The following JADE3 variants were observed in gnomAD, a reference collection of about 807,000 sequenced individuals.
The protein encoded by JADE3 is jade family PHD finger 3.
In JADE3, 2 loss-of-function variants were observed where a neutral mutation model predicts 50.1. That is an observed-to-expected ratio of 0.04 (90% CI 0.02 to 0.13). The LOEUF is 0.13. Ranked by LOEUF, JADE3 falls within the 10% of genes least tolerant of loss-of-function variation. The pLI is 1.00. For synonymous variants in JADE3, 218 were observed against 232.9 expected (o/e 0.94, Z 0.58); for missense variants, 475 against 634.4 (o/e 0.75, Z 2.70).
intron 1 of JADE3, among the ~76,000 whole-genome samples, 188 bp from the exon 2 acceptor site, chrX:46,984,696 C>G (rs975276312): frequency 8.9e-6 from 1 of 112,176 alleles, no homozygotes; most frequent in East Asian, 2.8e-4. Flanking sequence ...CTTTGACATG[C>G]TTTGTATTGA....
chrX:47,051,118 G>A (rs1381588540), intron 8 of JADE3, among the ~76,000 whole-genome samples: 1 of 110,486 alleles, frequency 9.1e-6, no homozygotes, highest in Admixed American at 9.7e-5. Flanking sequence ...GAAAGTGGAG[G>A]GGGAGGTGTA....
rs376862991 is a variant in JADE3 at position 47,016,548 on chromosome X, C to T, written c.285-8176C>T. Among the ~76,000 whole-genome samples the T allele has an allele frequency of 6.4e-4, 72 of 111,709 alleles. No homozygotes were observed. In the South Asian group the frequency reaches 0.023, roughly 36 times the overall value. On this transcript the variant is annotated intron_variant, in intron 4 of 10. Coordinates refer to ENST00000614628, the MANE Select transcript of JADE3 (RefSeq NM_014735.5). ...TCAGAAACTGACACAGTATTACTTG[C>T]ACTATATTTTATTAGAGCAGTTGCA...
At chrX:46,968,066 G>T (rs782086059) in intron 1 of JADE3, among the ~76,000 whole-genome samples, 1 of 111,818 alleles carries the variant, frequency 8.9e-6, no homozygotes, top group Admixed American at 9.5e-5. Context: ...CCCCAGGCTT[G>T]TAAGTTTTAC....
chrX:46,958,513 A>AT (rs1556347019), intron 1 of JADE3, among the ~76,000 whole-genome samples: 2 of 110,701 alleles, frequency 1.8e-5, no homozygotes, highest in African/African-American at 3.3e-5. Context: ...TGCAGCCTGC[A>AT]TTTTTTTTAA....
intron 6 of JADE3, among the ~76,000 whole-genome samples, chrX:47,030,069 CTA>C (rs200516216): frequency 1.0e-4 from 11 of 106,993 alleles, no homozygotes; most frequent in Admixed American, 3.0e-4. Flanking sequence ...AGGTCATATA[CTA>C]TATATATATA....
chrX:47,059,200 A>G lies in JADE3; in HGVS notation c.*123A>G, dbSNP rs193047907. 13 of 515,179 alleles carry G rather than the reference A, an allele frequency of 2.5e-5. No homozygotes were observed. In the Admixed American group the frequency reaches 5.6e-4, roughly 22 times the overall value. 42.5% of individuals were successfully genotyped at this position (515,179 alleles called of 1,213,427 possible). The stretch of plus-strand genomic sequence containing the variant: ...GCAGTGAAAAGGATAACATTTTTCC[A>G]TAGTAAATTGTCTTGCAGTTTTTGA... On this transcript the variant is annotated 3_prime_UTR_variant, in exon 11 of 11. Transcript: ENST00000614628.
At chrX:47,045,129 G>C (rs1181161759) in intron 8 of JADE3, among the ~76,000 whole-genome samples, 1 of 111,616 alleles carries the variant, frequency 9.0e-6, no homozygotes, top group African/African-American at 3.2e-5. Context: ...AAAAGACACA[G>C]AGTGGCTGAA....
At chrX:47,033,038 G>A (rs1435563721) in intron 6 of JADE3, among the ~76,000 whole-genome samples, 4 of 111,841 alleles carry the variant, frequency 3.6e-5, no homozygotes, top group Admixed American at 1.9e-4. Flanking sequence ...AACTCATTAT[G>A]AATTATTGTG....
At chrX:46,953,841 C>G (rs994792597) in intron 1 of JADE3, among the ~76,000 whole-genome samples, 1 of 111,707 alleles carries the variant, frequency 9.0e-6, no homozygotes, top group East Asian at 2.8e-4. Context: ...GCCTCTCTGT[C>G]GTAGTCTCTT....
intron 8 of JADE3, 42 bp from the exon 9 acceptor site, chrX:47,054,116 T>C (rs782747221): frequency 1.0e-6 from 1 of 955,664 alleles, no homozygotes; most frequent in Non-Finnish European, 1.5e-6. Flanking sequence ...CTCTCCCTTT[T>C]CCTCCAACTC....
At chrX:46,916,275 C>G (rs782498982) in intron 1 of JADE3, among the ~76,000 whole-genome samples, 1 of 112,499 alleles carries the variant, frequency 8.9e-6, no homozygotes, top group South Asian at 3.7e-4. Context: ...ATCACTTGCT[C>G]TTTTAGTTCT....
At position 46,923,393 on chromosome X, in the gene JADE3, C is replaced by CTTTTTTTTTTTTTTTTTTTTT; in HGVS notation, c.-12+10682_-12+10702dup. Among the ~76,000 whole-genome samples, 24 of 11,522 alleles carry CTTTTTTTTTTTTTTTTTTTTT rather than the reference C, an allele frequency of 2.1e-3. 7 individuals carry two copies. Among genetic ancestry groups the CTTTTTTTTTTTTTTTTTTTTT allele is most frequent in the Non-Finnish European group, 3.8e-3 (19 of 4,943 alleles). 10.0% of individuals were successfully genotyped at this position (11,522 alleles called of 115,157 possible). A position where few individuals can be genotyped will look rare whatever the true frequency, so the allele number is the denominator to read the frequency against. On this transcript the variant is annotated intron_variant, in intron 1 of 10. Coordinates refer to ENST00000614628, the MANE Select transcript of JADE3 (RefSeq NM_014735.5). ...ATTTCTTTTCTCTCTCTCTCTCTCTCTTTTTTTTTTTTTTTTTTTTTTTTT... is the reference window on the plus strand; with the variant it reads ...ATTTCTTTTCTCTCTCTCTCTCTCTCTTTTTTTTTTTTTTTTTTTTTTTTTTTTTTTTTTTTTTTTTTTTTT...
intron 1 of JADE3, among the ~76,000 whole-genome samples, chrX:46,940,669 T>G (rs782081383): frequency 4.5e-5 from 5 of 111,022 alleles, no homozygotes; most frequent in Non-Finnish European, 9.4e-5. Flanking sequence ...CCCTTACCCC[T>G]ATAGAGGCCT....
chrX:46,948,389 ATTGT>A (rs1926929392), intron 1 of JADE3, among the ~76,000 whole-genome samples: 1 of 112,205 alleles, frequency 8.9e-6, no homozygotes, highest in Middle Eastern at 4.6e-3. Flanking sequence ...GACAGGCCAG[ATTGT>A]TTGATGCTAA....
chrX:46,934,853 A>G (rs1168370148), intron 1 of JADE3, among the ~76,000 whole-genome samples: 1 of 112,246 alleles, frequency 8.9e-6, no homozygotes, highest in Non-Finnish European at 1.9e-5. Flanking sequence ...ATTTTTGTGT[A>G]TATGGATGTC....
intron 1 of JADE3, among the ~76,000 whole-genome samples, chrX:46,958,005 C>T (rs1280134819): frequency 8.9e-6 from 1 of 111,949 alleles, no homozygotes; most frequent in African/African-American, 3.2e-5. Flanking sequence ...TCTGTCTTTG[C>T]TTTCCCAGGC....
At chrX:46,998,069 T>C (rs1207185673) in intron 3 of JADE3, 51 bp from the exon 4 acceptor site, 33 of 1,023,043 alleles carry the variant, frequency 3.2e-5, no homozygotes, top group Non-Finnish European at 4.2e-5. Context: ...CATTGAATGG[T>C]ATCAGTTGCA....
intron 1 of JADE3, among the ~76,000 whole-genome samples, chrX:46,919,425 A>G (rs1602367743): frequency 8.9e-6 from 1 of 112,282 alleles, no homozygotes; most frequent in African/African-American, 3.2e-5. Flanking sequence ...TGTACCTAAG[A>G]GAGGAAATCC....
chrX:47,029,839 C>A (rs1928980327), intron 6 of JADE3, among the ~76,000 whole-genome samples: 1 of 111,618 alleles, frequency 9.0e-6, no homozygotes, highest in Non-Finnish European at 1.9e-5. Flanking sequence ...AATACAAGCC[C>A]AGAGTCCTTT....
Sources: gnomAD v4.1 joint callset for allele counts (sites outside exome capture counted in the v4.1 genomes callset) on GRCh38, gnomAD v4.1.1 for gene constraint, MANE v1.5 for transcripts, NCBI Gene and HGNC (gene_info 2026-07-23, HGNC 2026-07-21) for gene names.